COQ7: variants seen among roughly 807,000 people sequenced by gnomAD.
COQ7 encodes coenzyme Q7, hydroxylase, also known as NADPH-dependent 3-demethoxyubiquinone 3-hydroxylase, mitochondrial.
A neutral mutation model predicts 25.0 loss-of-function variants in COQ7; 21 were observed. The ratio of observed to expected loss-of-function variants is 0.84; its 90% CI spans 0.60 to 1.21. The LOEUF is 1.21. Ranked by LOEUF, COQ7 falls within the 50% of genes most tolerant of loss-of-function variation. COQ7 has a pLI of 0.00. For missense variants in COQ7, 311 were observed against 296.2 expected (o/e 1.05, Z -0.37); for synonymous variants, 125 against 112.4 (o/e 1.11, Z -0.71).
Position 19,077,387 on chromosome 16 carries a change from T to A in COQ7, c.576+13T>A. 6.2e-7 allele frequency: 1 copy of A among 1,612,310 alleles called. No individual in the cohort carries two copies. The highest frequency in any genetic ancestry group is 8.5e-7 in the Non-Finnish European group (1 of 1,178,490). On this transcript the variant is annotated intron_variant, in intron 5 of 5. Coordinates refer to ENST00000321998, the MANE Select transcript of COQ7 (RefSeq NM_016138.5). ...TGATGCAGAATTGGTAGGGCCCTACTGTTACCTGTTCTGCTTTGGGACTCC... is the reference window on the plus strand; with the variant it reads ...TGATGCAGAATTGGTAGGGCCCTACAGTTACCTGTTCTGCTTTGGGACTCC...
At chr16:19,068,393 T>C in intron 1 of COQ7, 1 of 989,658 alleles carries the variant, frequency 1.0e-6, no homozygotes, top group Non-Finnish European at 1.2e-6. Flanking sequence ...GGCTCCGGCC[T>C]ATAATCTCAG....
chr16:19,073,980 C>T lies in COQ7; in HGVS notation c.312C>T (p.Phe104=), dbSNP rs1375924641. ...LKKFNELMVT[F]RVRPTVLMPL... The stretch of plus-strand genomic sequence containing the variant: ...AGTTCAATGAGTTGATGGTTACGTT[C>T]AGGGTCCGGCCAACAGTTCTGATGC... The change falls in exon 3 of 6, where the codon TTC becomes TTT. Residue 104 remains phenylalanine (F), a synonymous_variant. Coordinates refer to ENST00000321998, the MANE Select transcript of COQ7 (RefSeq NM_016138.5). 6 of 1,613,586 alleles carry T rather than the reference C, an allele frequency of 3.7e-6. No homozygotes were observed. In the African/African-American group the frequency reaches 6.7e-5, roughly 18 times the overall value.
At chr16:19,075,982 T>A in intron 4 of COQ7, 122 bp downstream of exon 4, 16 of 1,304,950 alleles carry the variant, frequency 1.2e-5, no homozygotes, top group African/African-American at 2.9e-5. Context: ...CTCAGGTCAG[T>A]GCCTCAGTTT....
chr16:19,078,063 G>A lies in COQ7; in HGVS notation c.577-18G>A. On this transcript the variant is annotated intron_variant, in intron 5 of 5. Coordinates refer to ENST00000321998, the MANE Select transcript of COQ7 (RefSeq NM_016138.5). ...GAGCACATAACATGTTTCTTTGTTTGCTTATTGTTTTTAACAGGCTCCAGC... is the reference window on the plus strand; with the variant it reads ...GAGCACATAACATGTTTCTTTGTTTACTTATTGTTTTTAACAGGCTCCAGC... The A allele has an allele frequency of 1.9e-6, 3 of 1,579,982 alleles. No homozygotes were observed. The highest frequency in any genetic ancestry group is 2.3e-5 in the East Asian group (1 of 42,808).
chr16:19,069,159 T>G (rs1442053490), intron 1 of COQ7, among the ~76,000 whole-genome samples: 3 of 152,126 alleles, frequency 2.0e-5, no homozygotes, highest in Non-Finnish European at 4.4e-5. Context: ...GGACATAAAG[T>G]GATGCATTTG....
chr16:19,072,823 CGTGCCATCTAA>C, intron 2 of COQ7, among the ~76,000 whole-genome samples: 1 of 152,304 alleles, frequency 6.6e-6, no homozygotes, highest in South Asian at 2.1e-4. Flanking sequence ...GCACTTAGGA[CGTGCCATCTAA>C]GTGTTAGCTG....
At position 19,079,228 on chromosome 16, in the gene COQ7, A is replaced by T. The variant is rs1238049217; in HGVS notation, c.*1070A>T. ...GATCACGGACTTCCCAGCCTCTAGG[A>T]CTGTGAGCAATAAATGTTTGATGTT... is the stretch of plus-strand genomic sequence containing the variant. On this transcript the variant is annotated 3_prime_UTR_variant, in exon 6 of 6. Coordinates refer to ENST00000321998, the MANE Select transcript of COQ7 (RefSeq NM_016138.5). 6.6e-6 allele frequency: 1 copy of T among 152,218 alleles called. No individual in the cohort carries two copies. The highest frequency in any genetic ancestry group is 1.5e-5 in the Non-Finnish European group (1 of 68,068). The allele number at this position is 152,218 out of a possible 1,614,324, so 9.4% of individuals were successfully genotyped here. A position where few individuals can be genotyped will look rare whatever the true frequency, so the allele number is the denominator to read the frequency against.
chr16:19,074,283 T>C (rs1962718830), intron 3 of COQ7, among the ~76,000 whole-genome samples: 1 of 151,938 alleles, frequency 6.6e-6, no homozygotes, highest in South Asian at 2.1e-4. Context: ...CCCAGCACTT[T>C]GGGAGGCCGA....
At chr16:19,068,983 T>G (rs1962405502) in intron 1 of COQ7, 1 of 405,112 alleles carries the variant, frequency 2.5e-6, no homozygotes, top group African/African-American at 2.1e-5. Context: ...TGGGAAAGTG[T>G]TAAGGCTATA....
chr16:19,070,478 A>T (rs754983234), intron 1 of COQ7, among the ~76,000 whole-genome samples: 24 of 151,942 alleles, frequency 1.6e-4, no homozygotes, highest in Non-Finnish European at 2.4e-4. Context: ...CACGCCTGTA[A>T]TCCCAGCACT....
intron 3 of COQ7, among the ~76,000 whole-genome samples, chr16:19,075,453 C>G (rs1035255894): frequency 6.7e-6 from 1 of 148,908 alleles, no homozygotes; most frequent in Admixed American, 6.8e-5. Flanking sequence ...GCCTCGGCCT[C>G]CCAAAGTGCT....
downstream of COQ7, among the ~76,000 whole-genome samples, chr16:19,081,103 T>C (rs569753220): frequency 1.6e-4 from 25 of 152,342 alleles, no homozygotes; most frequent in South Asian, 2.1e-3. Flanking sequence ...GCTGATGTTT[T>C]GTTTTTCAGA....
intron 1 of COQ7, among the ~76,000 whole-genome samples, chr16:19,070,354 T>C (rs1175791754): frequency 6.6e-6 from 1 of 152,244 alleles, no homozygotes; most frequent in African/African-American, 2.4e-5. Flanking sequence ...ACATATTCGC[T>C]GGCTGTTGAA....
rs1455521519 is a variant in COQ7 at position 19,070,346 on chromosome 16, A to G, written c.74-1582A>G. On this transcript the variant is annotated intron_variant, in intron 1 of 5. Transcript: ENST00000321998. ...TGTATCTAAAATGAATTTTTTCCACATATTCGCTGGCTGTTGAAGTTAGCC... is the reference window on the plus strand; with the variant it reads ...TGTATCTAAAATGAATTTTTTCCACGTATTCGCTGGCTGTTGAAGTTAGCC... 2.0e-5 allele frequency among the ~76,000 whole-genome samples: 3 copies of G among 152,226 alleles called. No homozygotes were observed. The East Asian group carries it at 5.8e-4, about 29-fold the overall frequency.
In COQ7 at chr16:19,077,379, G is replaced by T. The variant is rs1962902029; in HGVS notation, c.576+5G>T. ...CTCGACCATGATGCAGAATTGGTAGGGCCCTACTGTTACCTGTTCTGCTTT... is the reference window on the plus strand; with the variant it reads ...CTCGACCATGATGCAGAATTGGTAGTGCCCTACTGTTACCTGTTCTGCTTT... On this transcript the variant is annotated splice_donor_5th_base_variant and intron_variant, in intron 5 of 5. Coordinates refer to ENST00000321998, the MANE Select transcript of COQ7 (RefSeq NM_016138.5). The T allele has an allele frequency of 1.2e-6, 2 of 1,613,418 alleles. No individual in the cohort carries two copies. The highest frequency in any genetic ancestry group is 4.5e-5 in the East Asian group (2 of 44,864).
At chr16:19,074,155 A>C in intron 3 of COQ7, 120 bp downstream of exon 3, 1 of 631,674 alleles carries the variant, frequency 1.6e-6, no homozygotes, top group Non-Finnish European at 2.6e-6. Flanking sequence ...TTTACTTCAT[A>C]TTTTTCCGAG....
At chr16:19,071,781 T>C in intron 1 of COQ7, 147 bp from the exon 2 acceptor site, 1 of 764,066 alleles carries the variant, frequency 1.3e-6, no homozygotes, top group South Asian at 1.7e-5. Flanking sequence ...TTTAACACTG[T>C]AGGTTAAACA....
chr16:19,077,543 T>C (rs1047312354), intron 5 of COQ7, among the ~76,000 whole-genome samples, 169 bp downstream of exon 5: 15 of 151,128 alleles, frequency 9.9e-5, no homozygotes, highest in African/African-American at 3.6e-4. Flanking sequence ...TTGCTCCAGA[T>C]TGGGAATCTC....
chr16:19,072,887 A>G (rs1962634321), intron 2 of COQ7, among the ~76,000 whole-genome samples: 1 of 152,064 alleles, frequency 6.6e-6, no homozygotes, highest in African/African-American at 2.4e-5. Context: ...AATAATATTC[A>G]GGGCCGGGTG....
Sources: allele counts gnomAD v4.1 joint callset (sites outside exome capture counted in the v4.1 genomes callset), GRCh38; gene constraint gnomAD v4.1.1; transcripts MANE v1.5; gene names NCBI Gene and HGNC (gene_info 2026-07-23, HGNC 2026-07-21).